The following ADAD1 variants were observed in gnomAD, a reference collection of about 807,000 sequenced individuals.
ADAD1 encodes the protein adenosine deaminase domain-containing protein 1.
ADAD1 carries 46 observed loss-of-function variants against 66.8 expected under a neutral mutation model. The ratio of observed to expected loss-of-function variants is 0.69; its 90% CI spans 0.54 to 0.88. ADAD1 has a LOEUF of 0.88. Ranked by LOEUF, ADAD1 falls within the 40% of genes least tolerant of loss-of-function variation. The probability of loss-of-function intolerance (pLI) is 0.00; values close to 1 mark genes in which losing one functional copy is unlikely to be tolerated. For synonymous variants in ADAD1, 248 were observed against 229.4 expected (o/e 1.08, Z -0.73); for missense variants, 617 against 681.8 (o/e 0.91, Z 1.06).
intron 7 of ADAD1, among the ~76,000 whole-genome samples, chr4:122,403,852 C>A (rs1309806960): frequency 1.3e-5 from 2 of 152,026 alleles, no homozygotes; most frequent in Non-Finnish European, 2.9e-5. Context: ...TGTGCTGTGG[C>A]CACGGTGGGG....
At chr4:122,380,856 T>C in intron 3 of ADAD1, 136 bp from the exon 4 acceptor site, 2 of 797,798 alleles carry the variant, frequency 2.5e-6, no homozygotes, top group Non-Finnish European at 3.9e-6. Context: ...GCCAAAATTG[T>C]TTAGTAGAAA....
At chr4:122,392,157 C>T (rs996598404) in intron 5 of ADAD1, among the ~76,000 whole-genome samples, 3 of 152,172 alleles carry the variant, frequency 2.0e-5, no homozygotes, top group African/African-American at 7.2e-5. Flanking sequence ...TTTTAAAGTT[C>T]TGCTTATCTA....
rs779996962 is a variant in ADAD1 at position 122,411,372 on chromosome 4, A to C, written c.999A>C (p.Ser333=). Residue 333 remains serine (S), a synonymous_variant, in exon 9 of 13, where the codon TCA becomes TCC. Coordinates refer to ENST00000296513, the MANE Select transcript of ADAD1 (RefSeq NM_139243.4). ...ACATGAACCAGTTGCCTAAAGGATCAGCCCAGATTAAGTCACAGTTGTAAG... is the reference window on the plus strand; with the variant it reads ...ACATGAACCAGTTGCCTAAAGGATCCGCCCAGATTAAGTCACAGTTGTAAG... ...CLYMNQLPKG[S]AQIKSQLRLN... 1.3e-5 allele frequency: 21 copies of C among 1,611,896 alleles called. No homozygotes were observed. Among genetic ancestry groups the C allele is most frequent in the Admixed American group, 1.7e-5 (1 of 59,574 alleles).
intron 6 of ADAD1, among the ~76,000 whole-genome samples, chr4:122,394,659 T>G (rs1795613069): frequency 6.6e-6 from 1 of 152,164 alleles, no homozygotes; most frequent in African/African-American, 2.4e-5. Context: ...GAGAGGGCAA[T>G]GAGGGATCAG....
intron 7 of ADAD1, among the ~76,000 whole-genome samples, chr4:122,407,220 G>T (rs1049132702): frequency 1.4e-5 from 2 of 147,704 alleles, no homozygotes; most frequent in African/African-American, 5.1e-5. Context: ...TAGAAAGAAT[G>T]AGGAGTATAT....
chr4:122,380,262 A>G (rs754092185), intron 3 of ADAD1, 21 bp downstream of exon 3: 3 of 1,595,130 alleles, frequency 1.9e-6, no homozygotes, highest in South Asian at 1.1e-5. Context: ...TTTCATTTGT[A>G]ACAATGAGTC....
chr4:122,382,015 T>C (rs1308269841), intron 4 of ADAD1, among the ~76,000 whole-genome samples: 1 of 152,208 alleles, frequency 6.6e-6, no homozygotes, highest in Non-Finnish European at 1.5e-5. Context: ...TTTCAGTCTG[T>C]TGTTTTAGGT....
rs760570562 is a variant in ADAD1 at position 122,380,256 on chromosome 4, A to G, written c.172+15A>G. 1.3e-6 allele frequency: 2 copies of G among 1,596,544 alleles called. No homozygotes were observed. Among genetic ancestry groups the G allele is most frequent in the Non-Finnish European group, 1.7e-6 (2 of 1,173,408 alleles). The stretch of plus-strand genomic sequence containing the variant: ...GCAAGTAACGGGTACGACTTTTTTC[A>G]TTTGTAACAATGAGTCAGTTCTTTA... On this transcript the variant is annotated intron_variant, in intron 3 of 12. Coordinates refer to ENST00000296513, the MANE Select transcript of ADAD1 (RefSeq NM_139243.4).
At chr4:122,414,056 A>G (rs1796599073) in intron 10 of ADAD1, among the ~76,000 whole-genome samples, 1 of 150,606 alleles carries the variant, frequency 6.6e-6, no homozygotes, top group African/African-American at 2.4e-5. Flanking sequence ...AAGATGTATT[A>G]AAATCATACC....
At chr4:122,381,720 A>G (rs1466973224) in intron 4 of ADAD1, among the ~76,000 whole-genome samples, 1 of 152,228 alleles carries the variant, frequency 6.6e-6, no homozygotes, top group African/African-American at 2.4e-5. Flanking sequence ...AGGAAAATGC[A>G]GAAAGTAGTT....
chr4:122,381,574 T>G (rs1332571763), intron 4 of ADAD1, among the ~76,000 whole-genome samples: 1 of 152,208 alleles, frequency 6.6e-6, no homozygotes, highest in Non-Finnish European at 1.5e-5. Context: ...CTTCTGAAAC[T>G]CAAGCATTAG....
intron 7 of ADAD1, among the ~76,000 whole-genome samples, chr4:122,406,584 A>G (rs1796222796): frequency 1.3e-5 from 2 of 152,280 alleles, no homozygotes; most frequent in Admixed American, 1.3e-4. Context: ...TTTTTACTTC[A>G]GTAGCTTCCC....
rs553837648 is a variant in ADAD1 at position 122,412,768 on chromosome 4, G to A, written c.1208G>A (p.Ser403Asn). Residue 403 changes from serine to asparagine, a missense_variant, in exon 10 of 13, where the codon AGT becomes AAT. Coordinates refer to ENST00000296513, the MANE Select transcript of ADAD1 (RefSeq NM_139243.4). Reference sequence around the variant, plus strand: ...CTTGGTGTACAGGGAGCATTGCTGAGTCATTTTATACAGCCAGTTTACATC... The same window carrying A: ...CTTGGTGTACAGGGAGCATTGCTGAATCATTTTATACAGCCAGTTTACATC... Reference protein sequence around the residue: ...EVLGVQGALLSHFIQPVYISS... With the variant: ...EVLGVQGALLNHFIQPVYISS... 1.4e-5 allele frequency: 22 copies of A among 1,613,850 alleles called. No homozygotes were observed. The South Asian group carries it at 1.5e-4, about 11-fold the overall frequency.
chr4:122,404,093 A>G (rs1038357945), intron 7 of ADAD1, among the ~76,000 whole-genome samples: 8 of 152,320 alleles, frequency 5.3e-5, no homozygotes, highest in African/African-American at 1.7e-4. Context: ...CGAGGAGGCT[A>G]TAATCCTCCC....
In ADAD1 at chr4:122,402,986, G is replaced by T. The variant is rs375370768; in HGVS notation, c.725-4922G>T. 1.6e-4 allele frequency among the ~76,000 whole-genome samples: 24 copies of T among 152,028 alleles called. No individual in the cohort carries two copies. The East Asian group carries it at 2.5e-3, about 16-fold the overall frequency. ...AATAATCTTCTGAATTCTTTATCTG[G>T]CAGTTCAGAGATTTATTCTTGGTTT... On this transcript the variant is annotated intron_variant, in intron 7 of 12. Transcript: ENST00000296513.
At chr4:122,428,195 TTTACA>T (rs1797345911) in intron 12 of ADAD1, among the ~76,000 whole-genome samples, 1 of 152,034 alleles carries the variant, frequency 6.6e-6, no homozygotes. Context: ...TGAGAAAATA[TTTACA>T]TTATTAAATA....
Position 122,393,666 on chromosome 4 carries a change from GT to G in ADAD1, c.598+15del, listed in dbSNP as rs776633046. The G allele has an allele frequency of 1.3e-6, 2 of 1,578,292 alleles. No homozygotes were observed. The highest frequency in any genetic ancestry group is 1.2e-5 in the South Asian group (1 of 83,522). ...TTCAAAAGTACATTATGGTAGGAAA[GT>G]TTTTTGTGACGTTCTTCTTTAGAAG... On this transcript the variant is annotated intron_variant, in intron 6 of 12. Coordinates refer to ENST00000296513, the MANE Select transcript of ADAD1 (RefSeq NM_139243.4).
At chr4:122,413,005 G>A (rs1260444392) in intron 10 of ADAD1, among the ~76,000 whole-genome samples, 196 bp downstream of exon 10, 4 of 152,092 alleles carry the variant, frequency 2.6e-5, no homozygotes, top group African/African-American at 9.7e-5. Context: ...CCCAAAGGTG[G>A]GAGGCAGAGG....
chr4:122,404,286 T>C (rs2150568781), intron 7 of ADAD1, among the ~76,000 whole-genome samples: 1 of 152,306 alleles, frequency 6.6e-6, no homozygotes, highest in South Asian at 2.1e-4. Context: ...CCAGTCCCAC[T>C]GGCTGCGTTA....
Sources: gnomAD v4.1 joint callset for allele counts (sites outside exome capture counted in the v4.1 genomes callset) on GRCh38, gnomAD v4.1.1 for gene constraint, MANE v1.5 for transcripts, NCBI Gene and HGNC (gene_info 2026-07-23, HGNC 2026-07-21) for gene names.